Variants in ZNF611 observed in about 807,000 individuals in gnomAD.
The protein encoded by ZNF611 is zinc finger protein 611.
ZNF611 carries 6 observed loss-of-function variants against 8.9 expected under a neutral mutation model. That is an observed-to-expected ratio of 0.68 (90% CI 0.37 to 1.34). The LOEUF is 1.34. Among genes scored for constraint, ZNF611 ranks in the 40% most tolerant of loss-of-function variants. The pLI is 0.02. For missense variants in ZNF611, 874 were observed against 841.3 expected (o/e 1.04, Z -0.48); for synonymous variants, 262 against 279.7 (o/e 0.94, Z 0.63).
rs758999070 is a variant in ZNF611, at chr19:52,705,121, G to A, written c.1934C>T (p.Thr645Ile). The A allele has an allele frequency of 1.9e-6, 3 of 1,613,856 alleles. No individual in the cohort carries two copies. Among genetic ancestry groups the A allele is most frequent in the Non-Finnish European group, 2.5e-6 (3 of 1,180,006 alleles). Residue 645 changes from threonine (T) to isoleucine (I), a missense_variant, in exon 6 of 6, where the codon ACT becomes ATT. By Grantham distance (89) the Thr-to-Ile change is moderately conservative. Transcript: ENST00000652185. The stretch of plus-strand genomic sequence containing the variant: ...TGTACATTTGTAAGATTTCTCTCCA[G>A]TATGAAGTCTACGATGGTATATAAG... ...SSLIYHRRLH[T>I]GEKSYKCTIC...
chr19:52,706,517 G>A lies in ZNF611; in HGVS notation c.538C>T (p.Leu180Phe), dbSNP rs761904526. The A allele has an allele frequency of 3.1e-6, 5 of 1,614,188 alleles. No individual in the cohort carries two copies. The Admixed American group carries it at 8.3e-5, about 27-fold the overall frequency. ...FQIKGEIGNQ[L>F]EKSTNDAPSV... ...GGAGCATCATTAGTAGACTTCTCAA[G>A]TTGATTACCAATTTCACCTTTGATC... The change falls in exon 6 of 6, where the codon CTT becomes TTT. Residue 180 changes from leucine to phenylalanine, a missense_variant. By Grantham distance (22) the Leu-to-Phe change is conservative. Coordinates refer to ENST00000652185, the MANE Select transcript of ZNF611 (RefSeq NM_001161499.2).
chr19:52,709,970 G>A (rs921591939), intron 5 of ZNF611, among the ~76,000 whole-genome samples: 5 of 152,194 alleles, frequency 3.3e-5, no homozygotes, highest in Non-Finnish European at 7.3e-5. Flanking sequence ...AAACCATGAA[G>A]AAGGCTCTCA....
In ZNF611 at chr19:52,705,307, C is replaced by T. The variant is rs2062232995; in HGVS notation, c.1748G>A (p.Cys583Tyr). 1 of 1,613,982 alleles carries T rather than the reference C, an allele frequency of 6.2e-7. No homozygotes were observed. The highest frequency in any genetic ancestry group is 1.3e-5 in the African/African-American group (1 of 74,992). ...KTFSHRSYLV[C>Y]HHRVHSGEKP... Reference sequence around the variant, plus strand: ...CTCACCACTATGAACTCTATGATGGCATACAAGGTATGACCTGTGACTGAA... The same window carrying T: ...CTCACCACTATGAACTCTATGATGGTATACAAGGTATGACCTGTGACTGAA... Residue 583 changes from cysteine (C) to tyrosine (Y), a missense_variant, in exon 6 of 6, where the codon TGC (cysteine) becomes TAC (tyrosine). Cys to Tyr is a radical substitution (Grantham distance 194). Transcript: ENST00000652185.
In ZNF611 at chr19:52,720,703, A is replaced by G. The variant is rs1376023588; in HGVS notation, c.-19-4790T>C. On this transcript the variant is annotated intron_variant, in intron 3 of 5. Transcript: ENST00000652185. ...GGCAGAGGCGCTCCCCACCTCCCAG[A>G]TGGCGTGGCCGGGCAGAGGCACTCC... Among the ~76,000 whole-genome samples the G allele has an allele frequency of 2.1e-5, 3 of 145,634 alleles. 1 individual carries two copies. Among genetic ancestry groups the G allele is most frequent in the African/African-American group, 7.7e-5 (3 of 38,828 alleles).
At chr19:52,729,519 GAAAAGAAAGA>G (rs2062412801) in intron 2 of ZNF611, among the ~76,000 whole-genome samples, 2 of 84,902 alleles carry the variant, frequency 2.4e-5, no homozygotes, top group African/African-American at 4.6e-5. Context: ...AAAAAAAAAA[GAAAAGAAAGA>G]AAAAGAAAAC....
In ZNF611 at chr19:52,705,691, T is replaced by G. The variant is rs980426604; in HGVS notation, c.1364A>C (p.Lys455Thr). The G allele has an allele frequency of 1.2e-6, 2 of 1,613,924 alleles. No homozygotes were observed. Among genetic ancestry groups the G allele is most frequent in the Admixed American group, 1.7e-5 (1 of 60,008 alleles). ...HRLHGGEKSY[K>T]CKVCDKAFVW... is the part of the protein sequence containing the mutation. ...AAAAGCCTTGTCACAAACCTTACAT[T>G]TGTAAGATTTCTCTCCACCATGAAG... The change falls in exon 6 of 6, where the codon AAA (lysine) becomes ACA (threonine). Residue 455 changes from lysine (K) to threonine (T), a missense_variant. Lys to Thr is a moderately conservative substitution (Grantham distance 78). Coordinates refer to ENST00000652185, the MANE Select transcript of ZNF611 (RefSeq NM_001161499.2).
At chr19:52,722,428 C>G (rs115329274) in intron 3 of ZNF611, among the ~76,000 whole-genome samples, 1,717 of 152,092 alleles carry the variant, frequency 0.011, 28 homozygotes, top group African/African-American at 0.039. Context: ...TATGTAATAA[C>G]AGAAAGTTGT....
At chr19:52,713,944 G>C in intron 5 of ZNF611, 71 bp downstream of exon 5, 2 of 1,590,716 alleles carry the variant, frequency 1.3e-6, no homozygotes, top group Non-Finnish European at 1.7e-6. Flanking sequence ...TCACAAAAGA[G>C]GATACAAAGC....
chr19:52,712,456 T>TAA (rs55649603), intron 5 of ZNF611, among the ~76,000 whole-genome samples: 1,171 of 37,440 alleles, frequency 0.031, 192 homozygotes, highest in Middle Eastern at 0.059. Flanking sequence ...CTGTCTCTAC[T>TAA]AAAAAAAAAA....
chr19:52,702,956 G>GC lies in ZNF611; in HGVS notation c.*1980_*1981insG, dbSNP rs1435552581. ...AGCATGCAGACATTGATATGAACTGGATGCAACTAATTTAAAACAGCAACT... is the reference window on the plus strand; with the variant it reads ...AGCATGCAGACATTGATATGAACTGGCATGCAACTAATTTAAAACAGCAACT... On this transcript the variant is annotated 3_prime_UTR_variant, in exon 6 of 6. Transcript: ENST00000652185. 1 of 152,048 alleles carries GC rather than the reference G, an allele frequency of 6.6e-6. No homozygotes were observed. The highest frequency in any genetic ancestry group is 1.5e-5 in the Non-Finnish European group (1 of 68,028). The allele number at this position is 152,048 out of a possible 1,614,324, so 9.4% of individuals were successfully genotyped here.
intron 2 of ZNF611, among the ~76,000 whole-genome samples, chr19:52,729,492 C>CAAAAAA (rs397859789): frequency 3.8e-4 from 16 of 42,348 alleles, no homozygotes; most frequent in African/African-American, 1.7e-3. Context: ...GACTCCATCT[C>CAAAAAA]AAAAAAAAAA....
At chr19:52,732,418 T>A (rs2062431763) in intron 1 of ZNF611, among the ~76,000 whole-genome samples, 1 of 128,398 alleles carries the variant, frequency 7.8e-6, no homozygotes. Flanking sequence ...CAGTATTGAG[T>A]TATTCTGAAT....
Position 52,713,909 on chromosome 19 carries a change from A to T in ZNF611, c.190+106T>A. On this transcript the variant is annotated intron_variant, in intron 5 of 5. Transcript: ENST00000652185. ...ACCATCTCAAAAACAAAAAACAAAAAACAAAACCCATGTATGGGGCAAAAT... is the reference window on the plus strand; with the variant it reads ...ACCATCTCAAAAACAAAAAACAAAATACAAAACCCATGTATGGGGCAAAAT... 1.9e-6 allele frequency: 3 copies of T among 1,564,238 alleles called. No homozygotes were observed. In the South Asian group the frequency reaches 3.6e-5, roughly 19 times the overall value.
intron 4 of ZNF611, among the ~76,000 whole-genome samples, chr19:52,715,010 C>CAAAA (rs1303285686): frequency 6.6e-6 from 1 of 151,856 alleles, no homozygotes; most frequent in Non-Finnish European, 1.5e-5. Context: ...CACACAAAAA[C>CAAAA]AAAACAAAAC....
In ZNF611 at chr19:52,703,321, ACC is replaced by A. The variant is rs1216516104; in HGVS notation, c.*1614_*1615del. On this transcript the variant is annotated 3_prime_UTR_variant, in exon 6 of 6. Coordinates refer to ENST00000652185, the MANE Select transcript of ZNF611 (RefSeq NM_001161499.2). ...GTTTGAGATGGAGACTCACTCTGCC[ACC>A]CAGGCTGCAGTATAGTGGCACAATT... is the stretch of plus-strand genomic sequence containing the variant. 3.9e-5 allele frequency: 6 copies of A among 152,108 alleles called. No homozygotes were observed. Among genetic ancestry groups the A allele is most frequent in the African/African-American group, 1.4e-4 (6 of 41,422 alleles). The allele number at this position is 152,108 out of a possible 1,614,324, so 9.4% of individuals were successfully genotyped here.
intron 3 of ZNF611, among the ~76,000 whole-genome samples, chr19:52,727,165 C>T (rs774470977): frequency 6.6e-5 from 10 of 151,982 alleles, no homozygotes; most frequent in Non-Finnish European, 1.5e-4. Flanking sequence ...TGTGCCTGGC[C>T]CAGGAAATAT....
At chr19:52,733,638 C>T (rs1249218165) in intron 1 of ZNF611, among the ~76,000 whole-genome samples, 4 of 152,090 alleles carry the variant, frequency 2.6e-5, no homozygotes, top group Non-Finnish European at 5.9e-5. Context: ...GCTTCCCTCC[C>T]TAATTCTGTA....
chr19:52,712,490 T>C (rs538641075), intron 5 of ZNF611, among the ~76,000 whole-genome samples: 13 of 96,288 alleles, frequency 1.4e-4, no homozygotes, highest in South Asian at 1.0e-3. Context: ...AAAAAAAACA[T>C]TGGCCGGGCA....
intron 5 of ZNF611, among the ~76,000 whole-genome samples, chr19:52,712,660 T>C (rs1600312402): frequency 6.7e-6 from 1 of 149,618 alleles, no homozygotes; most frequent in Non-Finnish European, 1.5e-5. Context: ...AGAAAGAAAC[T>C]GTACCTTTAA....
Sources: allele counts gnomAD v4.1 joint callset (sites outside exome capture counted in the v4.1 genomes callset), GRCh38; gene constraint gnomAD v4.1.1; transcripts MANE v1.5; gene names NCBI Gene and HGNC (gene_info 2026-07-23, HGNC 2026-07-21).